The following NLGN1 variants were observed in gnomAD, a reference collection of about 807,000 sequenced individuals.
The protein encoded by NLGN1 is neuroligin 1.
In NLGN1, 12 loss-of-function variants were observed where a neutral mutation model predicts 65.5. That is an observed-to-expected ratio of 0.18 (90% CI 0.12 to 0.30). The LOEUF (loss-of-function observed/expected upper bound fraction) is 0.30. NLGN1 is among the 10% of genes least tolerant of loss of function. NLGN1 has a pLI of 1.00. For missense variants in NLGN1, 750 were observed against 1,007.1 expected (o/e 0.74, Z 3.46); for synonymous variants, 350 against 359.5 (o/e 0.97, Z 0.30).
At chr3:174,130,816 T>C (rs561162584) in intron 4 of NLGN1, among the ~76,000 whole-genome samples, 2 of 152,140 alleles carry the variant, frequency 1.3e-5, no homozygotes, top group Non-Finnish European at 1.5e-5. Context: ...GGTCTAAAAT[T>C]TGATTTTTAT....
At chr3:173,817,962 A>C (rs1719375282) in intron 4 of NLGN1, among the ~76,000 whole-genome samples, 1 of 152,224 alleles carries the variant, frequency 6.6e-6, no homozygotes, top group Admixed American at 6.5e-5. Context: ...CCTCATTGCT[A>C]GTTAAAGCAT....
intron 3 of NLGN1, among the ~76,000 whole-genome samples, chr3:173,742,423 AT>A (rs200617155): frequency 1.3e-5 from 1 of 78,648 alleles, no homozygotes; most frequent in Non-Finnish European, 2.6e-5. Context: ...AAAAAGTGAA[AT>A]TTTTTCAAGC....
At chr3:173,929,471 C>T (rs1462005914) in intron 4 of NLGN1, among the ~76,000 whole-genome samples, 1 of 151,572 alleles carries the variant, frequency 6.6e-6, no homozygotes, top group Non-Finnish European at 1.5e-5. Context: ...AGACCACACA[C>T]AGAGAGTTTT....
chr3:174,244,165 GAAGT>G (rs750738176), intron 4 of NLGN1, among the ~76,000 whole-genome samples: 5 of 152,170 alleles, frequency 3.3e-5, no homozygotes, highest in African/African-American at 4.8e-5. Context: ...GAAGGGAAAA[GAAGT>G]AATAGTTCCA....
intron 4 of NLGN1, among the ~76,000 whole-genome samples, chr3:173,940,761 A>G (rs933507180): frequency 7.2e-5 from 11 of 152,168 alleles, no homozygotes; most frequent in Non-Finnish European, 1.6e-4. Flanking sequence ...GTGATATTTG[A>G]TAGTTTTATA....
rs529105635 is a variant in NLGN1 at position 173,499,950 on chromosome 3, G to A, written c.-321+64872G>A. 1.9e-3 allele frequency among the ~76,000 whole-genome samples: 288 copies of A among 151,818 alleles called. 4 individuals are homozygous for A. Among genetic ancestry groups the A allele is most frequent in the African/African-American group, 6.9e-3 (283 of 41,172 alleles). On this transcript the variant is annotated intron_variant, in intron 2 of 6. Coordinates refer to ENST00000457714, the Ensembl canonical transcript of NLGN1. ...AAATTGCCTATCAGCTTAAGATTTT[G>A]GGCTGAGAAATGGGGTTTTCTAGAT...
chr3:173,954,971 A>G (rs985259369), intron 4 of NLGN1, among the ~76,000 whole-genome samples: 1 of 151,976 alleles, frequency 6.6e-6, no homozygotes, highest in Non-Finnish European at 1.5e-5. Flanking sequence ...TTTTCAGTCT[A>G]GGGCCAGGTA....
At chr3:173,783,088 A>T (rs760838928) in intron 3 of NLGN1, among the ~76,000 whole-genome samples, 7 of 152,208 alleles carry the variant, frequency 4.6e-5, no homozygotes, top group Non-Finnish European at 1.0e-4. Flanking sequence ...TGTGGAAAGG[A>T]TACACACGAA....
At chr3:173,488,757 T>C (rs1560325659) in intron 2 of NLGN1, among the ~76,000 whole-genome samples, 1 of 152,076 alleles carries the variant, frequency 6.6e-6, no homozygotes, top group Non-Finnish European at 1.5e-5. Context: ...TTATTTATTC[T>C]ACTTAGGATT....
At chr3:173,891,592 A>G (rs912022222) in intron 4 of NLGN1, among the ~76,000 whole-genome samples, 1 of 152,010 alleles carries the variant, frequency 6.6e-6, no homozygotes, top group Non-Finnish European at 1.5e-5. Flanking sequence ...CCATCCACAA[A>G]CCTTAAACTG....
intron 4 of NLGN1, among the ~76,000 whole-genome samples, chr3:173,893,870 T>C (rs2152137971): frequency 6.6e-6 from 1 of 152,362 alleles, no homozygotes; most frequent in Admixed American, 6.5e-5. Flanking sequence ...AAGTCTTGCA[T>C]GTCTGCACCC....
chr3:174,105,862 A>T (rs73042170), intron 4 of NLGN1, among the ~76,000 whole-genome samples: 4,284 of 152,190 alleles, frequency 0.028, 224 homozygotes, highest in African/African-American at 0.098. Flanking sequence ...TGGAGCAATT[A>T]TGTGAATGGC....
At chr3:173,819,142 GT>G (rs1420338432) in intron 4 of NLGN1, among the ~76,000 whole-genome samples, 1 of 151,744 alleles carries the variant, frequency 6.6e-6, no homozygotes, top group Non-Finnish European at 1.5e-5. Flanking sequence ...TGTCTTTTTA[GT>G]TTTAATTTGC....
chr3:173,851,266 T>A (rs541319284), intron 4 of NLGN1, among the ~76,000 whole-genome samples: 64 of 152,318 alleles, frequency 4.2e-4, no homozygotes, highest in African/African-American at 1.4e-3. Context: ...GTAATGAAAG[T>A]ATAAATTAAA....
chr3:173,683,774 G>A (rs957694504), intron 3 of NLGN1, among the ~76,000 whole-genome samples: 1 of 152,152 alleles, frequency 6.6e-6, no homozygotes, highest in African/African-American at 2.4e-5. Context: ...GTGGAAGGGT[G>A]GGTCAGGTAT....
chr3:173,449,442 T>G (rs1721049678), intron 2 of NLGN1, among the ~76,000 whole-genome samples: 1 of 152,212 alleles, frequency 6.6e-6, no homozygotes, highest in Non-Finnish European at 1.5e-5. Flanking sequence ...TTGTTATAAT[T>G]TCTGTTCTTT....
chr3:173,763,643 G>C (rs1778334132), intron 3 of NLGN1, among the ~76,000 whole-genome samples: 1 of 151,996 alleles, frequency 6.6e-6, no homozygotes, highest in Non-Finnish European at 1.5e-5. Context: ...TTCATTAGCT[G>C]AATCTAGAAC....
At chr3:174,119,286 A>T (rs1298483042) in intron 4 of NLGN1, among the ~76,000 whole-genome samples, 1 of 152,162 alleles carries the variant, frequency 6.6e-6, no homozygotes, top group East Asian at 1.9e-4. Flanking sequence ...TTAACATGAT[A>T]AATAAAATCT....
intron 3 of NLGN1, among the ~76,000 whole-genome samples, chr3:173,677,562 C>A (rs1236407299): frequency 6.6e-6 from 1 of 151,944 alleles, no homozygotes; most frequent in Non-Finnish European, 1.5e-5. Context: ...CACAGATGAG[C>A]AGAAATATTG....
Sources: allele counts gnomAD v4.1 joint callset (sites outside exome capture counted in the v4.1 genomes callset), GRCh38; gene constraint gnomAD v4.1.1; transcripts MANE v1.5; gene names NCBI Gene and HGNC (gene_info 2026-07-23, HGNC 2026-07-21).